Variants in ZBTB20 observed in about 807,000 individuals in gnomAD.
ZBTB20 encodes the protein zinc finger and BTB domain-containing protein 20.
ZBTB20 carries 9 observed loss-of-function variants against 56.9 expected under a neutral mutation model. The observed-to-expected ratio is 0.16, with a 90% CI of 0.10 to 0.28. The LOEUF (loss-of-function observed/expected upper bound fraction) is 0.28. Among genes scored for constraint, ZBTB20 ranks in the 10% least tolerant of loss-of-function variants. ZBTB20 has a pLI of 1.00. For missense variants in ZBTB20, 655 were observed against 1,003.0 expected, an observed-to-expected ratio of 0.65 and a Z score of 4.69; for synonymous variants, 417 against 420.7, an observed-to-expected ratio of 0.99 and a Z score of 0.11.
At chr3:115,015,934 C>A (rs1242998836) in intron 2 of ZBTB20, among the ~76,000 whole-genome samples, 1 of 151,932 alleles carries the variant, frequency 6.6e-6, no homozygotes. Flanking sequence ...ACACTCCCCC[C>A]AACAGTGCAA....
chr3:114,566,274 A>T (rs553683335), intron 6 of ZBTB20, among the ~76,000 whole-genome samples: 2 of 152,014 alleles, frequency 1.3e-5, no homozygotes, highest in Non-Finnish European at 2.9e-5. Flanking sequence ...CTTTTGGGCC[A>T]CTCTTCAGAA....
At chr3:114,591,119 T>C (rs1043142916) in intron 6 of ZBTB20, among the ~76,000 whole-genome samples, 2 of 152,234 alleles carry the variant, frequency 1.3e-5, no homozygotes, top group Admixed American at 6.5e-5. Flanking sequence ...TTTTTGACTC[T>C]TCCTTGAGAA....
intron 5 of ZBTB20, among the ~76,000 whole-genome samples, chr3:114,736,433 G>A (rs2066163825): frequency 6.6e-6 from 1 of 151,890 alleles, no homozygotes. Context: ...ATGTTCTATT[G>A]AGGTTTCTTT....
At chr3:114,507,141 T>G (rs2044722119) in intron 6 of ZBTB20, among the ~76,000 whole-genome samples, 1 of 152,186 alleles carries the variant, frequency 6.6e-6, no homozygotes, top group South Asian at 2.1e-4. Context: ...GGAAAACTGA[T>G]GCTCTTTATT....
At chr3:114,856,327 C>T (rs917932955) in intron 4 of ZBTB20, among the ~76,000 whole-genome samples, 1 of 152,000 alleles carries the variant, frequency 6.6e-6, no homozygotes, top group African/African-American at 2.4e-5. Context: ...GATTCAGAAA[C>T]CACAAAATGG....
intron 6 of ZBTB20, among the ~76,000 whole-genome samples, chr3:114,667,163 T>C (rs922778319): frequency 2.0e-5 from 3 of 152,034 alleles, no homozygotes; most frequent in African/African-American, 7.2e-5. Flanking sequence ...CCTTGAGCAG[T>C]AGGATATAAA....
chr3:114,760,352 A>G (rs2068346372), intron 5 of ZBTB20, among the ~76,000 whole-genome samples: 1 of 152,188 alleles, frequency 6.6e-6, no homozygotes, highest in Admixed American at 6.6e-5. Context: ...TCAACTGAAA[A>G]CTGTAATACA....
chr3:115,108,338 T>G (rs2083782167), intron 1 of ZBTB20, among the ~76,000 whole-genome samples: 1 of 152,150 alleles, frequency 6.6e-6, no homozygotes, highest in South Asian at 2.1e-4. Context: ...GAGGAAAACA[T>G]CTTGATAAGC....
intron 5 of ZBTB20, among the ~76,000 whole-genome samples, chr3:114,748,214 A>AT (rs1347598322): frequency 6.6e-6 from 1 of 152,050 alleles, no homozygotes; most frequent in African/African-American, 2.4e-5. Flanking sequence ...CTTAACATAA[A>AT]TTTTTTATAG....
chr3:114,564,952 TA>T (rs2052541487), intron 6 of ZBTB20, among the ~76,000 whole-genome samples: 1 of 152,204 alleles, frequency 6.6e-6, no homozygotes, highest in Non-Finnish European at 1.5e-5. Flanking sequence ...TTCTCTTACC[TA>T]AAATATCTGC....
intron 8 of ZBTB20, among the ~76,000 whole-genome samples, chr3:114,381,913 C>A (rs2084396196): frequency 6.6e-6 from 1 of 152,128 alleles, no homozygotes; most frequent in Admixed American, 6.5e-5. Context: ...AATTATAAGA[C>A]CTTATCAATT....
At chr3:114,441,984 T>C (rs560824637) in intron 7 of ZBTB20, among the ~76,000 whole-genome samples, 1 of 152,194 alleles carries the variant, frequency 6.6e-6, no homozygotes, top group East Asian at 1.9e-4. Context: ...TTACAAATTT[T>C]ATAAGTAAAG....
At chr3:115,119,774 G>A (rs922553229) in intron 1 of ZBTB20, among the ~76,000 whole-genome samples, 3 of 152,090 alleles carry the variant, frequency 2.0e-5, no homozygotes, top group South Asian at 2.1e-4. Context: ...TGCTTTTACC[G>A]TATCCAACCC....
In ZBTB20 at chr3:114,338,880, A is replaced by G; in HGVS notation, c.*125T>C. ...ATGTAGTACAAAATGAAACGAAACA[A>G]AAACAAAAACAGAAAGTAAAAATGA... On this transcript the variant is annotated 3_prime_UTR_variant, in exon 12 of 12. Transcript: ENST00000675478. 1 of 1,221,440 alleles carries G rather than the reference A, an allele frequency of 8.2e-7. No homozygotes were observed. The highest frequency in any genetic ancestry group is 1.1e-6 in the Non-Finnish European group (1 of 905,898). The allele number at this position is 1,221,440 out of a possible 1,614,324, so 75.7% of individuals were successfully genotyped here. A position where few individuals can be genotyped will look rare whatever the true frequency, so the allele number is the denominator to read the frequency against.
chr3:114,404,553 T>C (rs779117858), intron 7 of ZBTB20, among the ~76,000 whole-genome samples: 1 of 152,128 alleles, frequency 6.6e-6, no homozygotes, highest in Non-Finnish European at 1.5e-5. Context: ...ATATCAATAA[T>C]AGTTTCATAT....
At chr3:114,835,973 A>T (rs1232390294) in intron 4 of ZBTB20, among the ~76,000 whole-genome samples, 1 of 152,156 alleles carries the variant, frequency 6.6e-6, no homozygotes, top group East Asian at 1.9e-4. Flanking sequence ...CTCACTGCAG[A>T]GTTTCTAGAA....
At chr3:114,877,512 T>G (rs967216775) in intron 4 of ZBTB20, among the ~76,000 whole-genome samples, 9 of 152,222 alleles carry the variant, frequency 5.9e-5, no homozygotes, top group African/African-American at 2.2e-4. Context: ...ACAATTCATT[T>G]AATTCAAGAA....
At chr3:114,406,215 G>T (rs1452972081) in intron 7 of ZBTB20, among the ~76,000 whole-genome samples, 1 of 152,088 alleles carries the variant, frequency 6.6e-6, no homozygotes. Context: ...TATGACCATG[G>T]CATTGCCACT....
At chr3:114,349,277 A>C (rs931486367) in intron 11 of ZBTB20, among the ~76,000 whole-genome samples, 24 of 151,962 alleles carry the variant, frequency 1.6e-4, no homozygotes, top group African/African-American at 5.3e-4. Context: ...AAGAGAATCT[A>C]GGTGACATCA....
Sources: gnomAD v4.1 joint callset for allele counts (sites outside exome capture counted in the v4.1 genomes callset) on GRCh38, gnomAD v4.1.1 for gene constraint, MANE v1.5 for transcripts, NCBI Gene and HGNC (gene_info 2026-07-23, HGNC 2026-07-21) for gene names.